KCNH8: variants seen among roughly 807,000 people sequenced by gnomAD.
The protein encoded by KCNH8 is potassium voltage-gated channel subfamily H member 8.
KCNH8 carries 70 observed loss-of-function variants against 103.6 expected under a neutral mutation model. That is an observed-to-expected ratio of 0.68 (90% CI 0.56 to 0.82). The LOEUF (loss-of-function observed/expected upper bound fraction) is 0.82. Ranked by LOEUF, KCNH8 falls within the 40% of genes least tolerant of loss-of-function variation. The pLI is 0.00. For synonymous variants in KCNH8, 498 were observed against 489.4 expected, an observed-to-expected ratio of 1.02 and a Z score of -0.23; for missense variants, 1,217 against 1,329.9, an observed-to-expected ratio of 0.92 and a Z score of 1.32.
intron 3 of KCNH8, among the ~76,000 whole-genome samples, chr3:19,290,318 T>C (rs956187409): frequency 1.3e-5 from 2 of 152,216 alleles, no homozygotes; most frequent in South Asian, 4.1e-4. Flanking sequence ...ATCCCTGTCT[T>C]GTGCCAGTTT....
intron 15 of KCNH8, among the ~76,000 whole-genome samples, 181 bp downstream of exon 15, chr3:19,518,255 T>C (rs1254707679): frequency 6.6e-6 from 1 of 152,054 alleles, no homozygotes; most frequent in African/African-American, 2.4e-5. Flanking sequence ...TTACCTTCTC[T>C]CAAGCTCCAC....
At chr3:19,436,966 G>A (rs932344003) in intron 7 of KCNH8, among the ~76,000 whole-genome samples, 1 of 152,100 alleles carries the variant, frequency 6.6e-6, no homozygotes, top group Non-Finnish European at 1.5e-5. Context: ...GAAGGAATAA[G>A]GCACAGTACT....
rs147181190 is a variant in KCNH8 at position 19,219,753 on chromosome 3, C to A, written c.77-33901C>A. ...TCTCTTCCTACAGAGTGGAACCAAG[C>A]TCTTCCAGAGATGAGAGAGGCCTCA... On this transcript the variant is annotated intron_variant, in intron 1 of 15. Transcript: ENST00000328405. Among the ~76,000 whole-genome samples, 704 of 152,262 alleles carry A rather than the reference C, an allele frequency of 4.6e-3. 6 individuals are homozygous for A. Among genetic ancestry groups the A allele is most frequent in the African/African-American group, 0.016 (669 of 41,542 alleles).
chr3:19,251,747 A>G (rs890542756), intron 1 of KCNH8, among the ~76,000 whole-genome samples: 12 of 152,160 alleles, frequency 7.9e-5, no homozygotes, highest in Non-Finnish European at 4.4e-5. Context: ...AAAATTCAAA[A>G]GGTATAGTAG....
chr3:19,308,918 C>G lies in KCNH8; in HGVS notation c.442+27589C>G, dbSNP rs1434400829. Among the ~76,000 whole-genome samples the G allele has an allele frequency of 2.0e-5, 3 of 151,354 alleles. No homozygotes were observed. In the Admixed American group the frequency reaches 2.0e-4, roughly 10 times the overall value. ...ATTTAATCTGTTTTTAAGGGAGCAG[C>G]AGGCCACACTGTCTTAATGTAAATT... On this transcript the variant is annotated intron_variant, in intron 3 of 15. Coordinates refer to ENST00000328405, the MANE Select transcript of KCNH8 (RefSeq NM_144633.3).
Position 19,334,742 on chromosome 3 carries a change from A to C in KCNH8, c.443-7845A>C, listed in dbSNP as rs1047596403. Among the ~76,000 whole-genome samples, 91 of 151,260 alleles carry C rather than the reference A, an allele frequency of 6.0e-4. 1 individual carries two copies. Among genetic ancestry groups the C allele is most frequent in the Admixed American group, 6.0e-3 (91 of 15,210 alleles). ...AAAAAAGCCTAGAACAAAGCCAAAA[A>C]ATAAATTCACCAAATGTTAAATTAT... On this transcript the variant is annotated intron_variant, in intron 3 of 15. Coordinates refer to ENST00000328405, the MANE Select transcript of KCNH8 (RefSeq NM_144633.3).
Position 19,381,347 on chromosome 3 carries a change from G to A in KCNH8, c.812-9134G>A, listed in dbSNP as rs114223448. Among the ~76,000 whole-genome samples, 681 of 152,296 alleles carry A rather than the reference G, an allele frequency of 4.5e-3. 9 individuals carry two copies. Among genetic ancestry groups the A allele is most frequent in the African/African-American group, 0.015 (638 of 41,578 alleles). On this transcript the variant is annotated intron_variant, in intron 5 of 15. Coordinates refer to ENST00000328405, the MANE Select transcript of KCNH8 (RefSeq NM_144633.3). Reference sequence around the variant, plus strand: ...TCAATTGGATATCCATCTGGAAAATGTAAATCTTGACTCTTGCATCACAAA... The same window carrying A: ...TCAATTGGATATCCATCTGGAAAATATAAATCTTGACTCTTGCATCACAAA...
chr3:19,482,955 A>T (rs1363334727), intron 11 of KCNH8, among the ~76,000 whole-genome samples: 1 of 152,160 alleles, frequency 6.6e-6, no homozygotes, highest in Non-Finnish European at 1.5e-5. Context: ...TGATCCTGTA[A>T]ATGGGAGTCT....
chr3:19,252,062 A>G (rs2064285628), intron 1 of KCNH8, among the ~76,000 whole-genome samples: 2 of 152,190 alleles, frequency 1.3e-5, no homozygotes, highest in South Asian at 2.1e-4. Context: ...TGTTTCTTGT[A>G]TGAATGAATG....
At chr3:19,175,242 G>A (rs113447816) in intron 1 of KCNH8, among the ~76,000 whole-genome samples, 2 of 138,626 alleles carry the variant, frequency 1.4e-5, no homozygotes, top group Admixed American at 1.5e-4. Flanking sequence ...TTTTTTTTGA[G>A]ACGGAGTCTC....
At chr3:19,209,392 G>C (rs1267097702) in intron 1 of KCNH8, among the ~76,000 whole-genome samples, 1 of 151,960 alleles carries the variant, frequency 6.6e-6, no homozygotes, top group Non-Finnish European at 1.5e-5. Context: ...TACTTTCTGA[G>C]GCCAAGGAGT....
intron 7 of KCNH8, among the ~76,000 whole-genome samples, chr3:19,403,756 C>CAT (rs1192909429): frequency 2.6e-5 from 4 of 151,694 alleles, no homozygotes; most frequent in African/African-American, 9.7e-5. Flanking sequence ...ACAGTGTCAT[C>CAT]ATATTCCTAA....
At chr3:19,490,363 C>A (rs2068292423) in intron 11 of KCNH8, among the ~76,000 whole-genome samples, 1 of 152,172 alleles carries the variant, frequency 6.6e-6, no homozygotes, top group Non-Finnish European at 1.5e-5. Flanking sequence ...AATTACTGTC[C>A]CTTTTAAGGG....
intron 11 of KCNH8, among the ~76,000 whole-genome samples, chr3:19,495,379 A>G (rs2068417302): frequency 6.6e-6 from 1 of 152,128 alleles, no homozygotes; most frequent in Non-Finnish European, 1.5e-5. Flanking sequence ...TGTTTATGGT[A>G]TAAGGAAAGG....
At chr3:19,350,255 GTTGCCTGTAATA>G (rs2065781972) in intron 5 of KCNH8, among the ~76,000 whole-genome samples, 2 of 152,172 alleles carry the variant, frequency 1.3e-5, no homozygotes, top group South Asian at 2.1e-4. Flanking sequence ...GGACAAAATA[GTTGCCTGTAATA>G]TTGCCTGTAA....
chr3:19,159,597 G>T (rs1345275621), intron 1 of KCNH8, among the ~76,000 whole-genome samples: 1 of 152,044 alleles, frequency 6.6e-6, no homozygotes, highest in Non-Finnish European at 1.5e-5. Flanking sequence ...TATAGTTTTG[G>T]CTGTGGCCTT....
At chr3:19,387,839 T>G (rs1437717769) in intron 5 of KCNH8, among the ~76,000 whole-genome samples, 1 of 152,178 alleles carries the variant, frequency 6.6e-6, no homozygotes, top group African/African-American at 2.4e-5. Context: ...TTAGCATATT[T>G]CTTTTCATTC....
At chr3:19,279,809 T>G (rs1297568272) in intron 2 of KCNH8, among the ~76,000 whole-genome samples, 2 of 151,918 alleles carry the variant, frequency 1.3e-5, no homozygotes, top group African/African-American at 2.4e-5. Context: ...AAATGATAGA[T>G]CCCAAGGCTG....
intron 5 of KCNH8, among the ~76,000 whole-genome samples, chr3:19,376,340 C>T (rs183869715): frequency 4.6e-5 from 7 of 152,178 alleles, no homozygotes; most frequent in Admixed American, 2.6e-4. Context: ...GCGCAGTATT[C>T]GGGTAGGAGT....
Sources: gnomAD v4.1 joint callset for allele counts (sites outside exome capture counted in the v4.1 genomes callset) on GRCh38, gnomAD v4.1.1 for gene constraint, MANE v1.5 for transcripts, NCBI Gene and HGNC (gene_info 2026-07-23, HGNC 2026-07-21) for gene names.